The following SHLD2 variants were observed in gnomAD, a reference collection of about 807,000 sequenced individuals.
SHLD2 encodes the protein shieldin complex subunit 2.
Under a neutral mutation model 73.2 loss-of-function variants are expected in SHLD2, and 30 were observed. The ratio of observed to expected loss-of-function variants is 0.41; its 90% confidence interval spans 0.31 to 0.56. SHLD2 has a LOEUF of 0.56. Ranked by LOEUF, SHLD2 falls within the 20% of genes least tolerant of loss-of-function variation. The pLI, the probability that SHLD2 is intolerant of heterozygous loss-of-function variation, is 0.28. For synonymous variants in SHLD2, 285 were observed against 370.1 expected (o/e 0.77, Z 2.64); for missense variants, 745 against 1,055.9 (o/e 0.71, Z 4.08).
intron 3 of SHLD2, among the ~76,000 whole-genome samples, chr10:87,155,633 G>C (rs1281488012): frequency 6.6e-6 from 1 of 151,390 alleles, no homozygotes; most frequent in Admixed American, 6.6e-5. Context: ...CTGGATCCTG[G>C]ACCATGGTCA....
intron 2 of SHLD2, among the ~76,000 whole-genome samples, chr10:87,122,768 A>G (rs1564584957): frequency 6.6e-6 from 1 of 152,088 alleles, no homozygotes; most frequent in African/African-American, 2.4e-5. Flanking sequence ...TTATTTATTT[A>G]TTTTTGTTTA....
intron 2 of SHLD2, among the ~76,000 whole-genome samples, chr10:87,112,089 T>A (rs1842962012): frequency 6.6e-6 from 1 of 151,362 alleles, no homozygotes; most frequent in Admixed American, 6.6e-5. Context: ...TAGAAAAAAA[T>A]TAGCTGGGTG....
At chr10:87,132,912 GT>G (rs1230214129) in intron 2 of SHLD2, among the ~76,000 whole-genome samples, 24 of 152,146 alleles carry the variant, frequency 1.6e-4, no homozygotes, top group Non-Finnish European at 8.8e-5. Flanking sequence ...TGTGTTCTAA[GT>G]TTTTTTCATG....
chr10:87,132,784 C>T (rs368577082), intron 2 of SHLD2, among the ~76,000 whole-genome samples: 36 of 152,024 alleles, frequency 2.4e-4, no homozygotes, highest in Non-Finnish European at 4.0e-4. Context: ...AAAAACAAAA[C>T]GAAACAAAAC....
At chr10:87,153,585 C>T (rs1269687661) in intron 3 of SHLD2, among the ~76,000 whole-genome samples, 1 of 152,114 alleles carries the variant, frequency 6.6e-6, no homozygotes, top group Non-Finnish European at 1.5e-5. Context: ...TGTTGCCTTC[C>T]AGTTATTTTC....
At chr10:87,142,699 T>C (rs985031020) in intron 2 of SHLD2, among the ~76,000 whole-genome samples, 4 of 151,978 alleles carry the variant, frequency 2.6e-5, no homozygotes, top group African/African-American at 9.7e-5. Flanking sequence ...ATAGTGGAGT[T>C]GTTATTTGCT....
At chr10:87,128,172 A>G (rs1272767144) in intron 2 of SHLD2, among the ~76,000 whole-genome samples, 2 of 152,148 alleles carry the variant, frequency 1.3e-5, no homozygotes, top group African/African-American at 2.4e-5. Flanking sequence ...TCCTCCTCTC[A>G]TAGGTAACCA....
intron 2 of SHLD2, among the ~76,000 whole-genome samples, chr10:87,114,689 C>T (rs1420771509): frequency 6.6e-6 from 1 of 152,078 alleles, no homozygotes; most frequent in Non-Finnish European, 1.5e-5. Flanking sequence ...TGCGCCACTG[C>T]ACTCCAGCCT....
chr10:87,150,061 A>ATTT lies in SHLD2; in HGVS notation c.-5-1270_-5-1268dup, dbSNP rs569408745. On this transcript the variant is annotated intron_variant, in intron 2 of 9. Coordinates refer to ENST00000298786, the MANE Select transcript of SHLD2 (RefSeq NM_001330112.2). ...CACCATGGCTGGCCAAAAATGAGTAATTTTTTTTTTTTTTTTTTTTTGAGA... is the reference window on the plus strand; with the variant it reads ...CACCATGGCTGGCCAAAAATGAGTAATTTTTTTTTTTTTTTTTTTTTTTTGAGA... Among the ~76,000 whole-genome samples, 123 of 114,942 alleles carry ATTT rather than the reference A, an allele frequency of 1.1e-3. 1 individual carries two copies. The highest frequency in any genetic ancestry group is 1.2e-3 in the Non-Finnish European group (70 of 56,560). 75.4% of individuals were successfully genotyped at this position (114,942 alleles called of 152,430 possible).
rs751945687 is a variant in SHLD2, at chr10:87,151,412, A to C, written c.58A>C (p.Ile20Leu). 26 of 1,601,982 alleles carry C rather than the reference A, an allele frequency of 1.6e-5. 1 individual carries two copies. In the South Asian group the frequency reaches 2.9e-4, roughly 18 times the overall value. The change falls in exon 3 of 10, where the codon ATC becomes CTC. Residue 20 changes from isoleucine to leucine, a missense_variant. Coordinates refer to ENST00000298786, the MANE Select transcript of SHLD2 (RefSeq NM_001330112.2). ...GGGTGCTCCAATTGCTCCACTGAAAATCACAGTATCAGAAGACACAGCTTC... is the reference window on the plus strand; with the variant it reads ...GGGTGCTCCAATTGCTCCACTGAAACTCACAGTATCAGAAGACACAGCTTC... ...FWGAPIAPLK[I>L]TVSEDTASLM...
chr10:87,102,951 C>T (rs548586110), intron 2 of SHLD2, among the ~76,000 whole-genome samples: 4 of 151,976 alleles, frequency 2.6e-5, no homozygotes, highest in Non-Finnish European at 4.4e-5. Context: ...GTGGCTCGCT[C>T]CTGTAATCCC....
intron 2 of SHLD2, among the ~76,000 whole-genome samples, chr10:87,147,793 C>T (rs1845725115): frequency 6.6e-6 from 1 of 151,906 alleles, no homozygotes. Context: ...GGCAGTTCCA[C>T]ATTGGTTGAA....
At chr10:87,170,388 A>G in intron 4 of SHLD2, 90 bp from the exon 5 acceptor site, 3 of 884,822 alleles carry the variant, frequency 3.4e-6, no homozygotes, top group Non-Finnish European at 5.1e-6. Flanking sequence ...CATACTTTAC[A>G]ACATAAAATA....
intron 3 of SHLD2, among the ~76,000 whole-genome samples, chr10:87,156,465 A>G (rs557367626): frequency 6.6e-6 from 1 of 152,294 alleles, no homozygotes; most frequent in Admixed American, 6.5e-5. Flanking sequence ...GAATGAAGAG[A>G]TGCCAAAAAT....
intron 2 of SHLD2, among the ~76,000 whole-genome samples, chr10:87,143,132 C>T (rs1312081670): frequency 6.6e-6 from 1 of 151,684 alleles, no homozygotes; most frequent in Non-Finnish European, 1.5e-5. Context: ...CATAGTCTTA[C>T]CATGTTGCCT....
At chr10:87,133,536 G>GAA (rs1844583919) in intron 2 of SHLD2, among the ~76,000 whole-genome samples, 1 of 152,184 alleles carries the variant, frequency 6.6e-6, no homozygotes, top group African/African-American at 2.4e-5. Flanking sequence ...TAATTAGCAA[G>GAA]TAATGAATAT....
intron 4 of SHLD2, among the ~76,000 whole-genome samples, 198 bp downstream of exon 4, chr10:87,158,353 A>G (rs1846582171): frequency 6.6e-6 from 1 of 152,204 alleles, no homozygotes; most frequent in African/African-American, 2.4e-5. Context: ...TATTTTAAGA[A>G]GTATTGGGTC....
rs555109602 is a variant in SHLD2 at position 87,146,042 on chromosome 10, T to C, written c.-5-5308T>C. ...TACTCACAACTCCTATAAATTGGAG[T>C]ATTTAGTAGCAGTAGCCTTTGGTAT... On this transcript the variant is annotated intron_variant, in intron 2 of 9. Transcript: ENST00000298786. Among the ~76,000 whole-genome samples the C allele has an allele frequency of 1.6e-3, 246 of 152,240 alleles. 1 individual carries two copies. Among genetic ancestry groups the C allele is most frequent in the African/African-American group, 5.7e-3 (236 of 41,542 alleles).
In SHLD2 at chr10:87,187,102, C is replaced by T; in HGVS notation, c.2417C>T (p.Ala806Val). The change falls in exon 9 of 10, where the codon GCC becomes GTC. Residue 806 changes from alanine (A) to valine (V), a missense_variant. Transcript: ENST00000298786. ...KIYYRPALMT[A>V]IDGRHDVCIR... is the part of the protein sequence containing the mutation. ...TTTTGTAGGCCAGCGTTAATGACTG[C>T]CATTGATGGAAGACATGATGTTTGT... is the stretch of plus-strand genomic sequence containing the variant. The T allele has an allele frequency of 3.1e-6, 5 of 1,611,424 alleles. No individual in the cohort carries two copies. The highest frequency in any genetic ancestry group is 2.2e-5 in the East Asian group (1 of 44,814).
Sources: gnomAD v4.1 joint callset for allele counts (sites outside exome capture counted in the v4.1 genomes callset) on GRCh38, gnomAD v4.1.1 for gene constraint, MANE v1.5 for transcripts, NCBI Gene and HGNC (gene_info 2026-07-23, HGNC 2026-07-21) for gene names.